Variants in FRMPD1 observed in about 807,000 individuals in gnomAD.
FRMPD1 encodes the protein FERM and PDZ domain containing 1, also known as FERM and PDZ domain-containing protein 1.
In FRMPD1, 76 loss-of-function variants were observed where a neutral mutation model predicts 117.8. That is an observed-to-expected ratio of 0.65 (90% CI 0.54 to 0.78). The LOEUF (loss-of-function observed/expected upper bound fraction) is 0.78. Ranked by LOEUF, FRMPD1 falls within the 30% of genes least tolerant of loss-of-function variation. FRMPD1 has a pLI of 0.00. For synonymous variants in FRMPD1, 783 were observed against 770.4 expected (o/e 1.02, Z -0.27); for missense variants, 1,786 against 1,964.5 (o/e 0.91, Z 1.72).
the FRMPD1 span, among the ~76,000 whole-genome samples, chr9:37,607,130 C>T: frequency 1.3e-5 from 2 of 151,994 alleles, no homozygotes; most frequent in African/African-American, 4.8e-5. Context: ...GCCTGGCCAA[C>T]GTGGAGAAAT....
rs777305877 is a variant in FRMPD1, at chr9:37,744,738, G to A, written c.2706G>A (p.Leu902=). The part of the protein sequence containing the change: ...GEPGLLETKA[L]GLLAPLRETK... Reference sequence around the variant, plus strand: ...CTGGCCTTCTGGAGACCAAGGCCTTGGGGCTGCTGGCTCCTCTGAGGGAGA... The same window carrying A: ...CTGGCCTTCTGGAGACCAAGGCCTTAGGGCTGCTGGCTCCTCTGAGGGAGA... The change falls in exon 16 of 16, where the codon TTG becomes TTA. Residue 902 remains leucine, a synonymous_variant. Coordinates refer to ENST00000377765, the MANE Select transcript of FRMPD1 (RefSeq NM_014907.3). The A allele has an allele frequency of 6.2e-7, 1 of 1,613,994 alleles. No individual in the cohort carries two copies. The highest frequency in any genetic ancestry group is 8.5e-7 in the Non-Finnish European group (1 of 1,179,972).
chr9:37,605,478 C>T, the FRMPD1 span, among the ~76,000 whole-genome samples: 1 of 152,060 alleles, frequency 6.6e-6, no homozygotes, highest in African/African-American at 2.4e-5. Flanking sequence ...ACTGAGAACC[C>T]ACTCTACACC....
chr9:37,716,215 C>T (rs1166539175), intron 5 of FRMPD1, among the ~76,000 whole-genome samples: 1 of 152,206 alleles, frequency 6.6e-6, no homozygotes, highest in Non-Finnish European at 1.5e-5. Flanking sequence ...AAACTGGTGA[C>T]CAACTAAATA....
chr9:37,724,092 T>C (rs1823514839), intron 6 of FRMPD1, 133 bp from the exon 7 acceptor site: 1 of 486,820 alleles, frequency 2.1e-6, no homozygotes, highest in Non-Finnish European at 3.7e-6. Context: ...GGAGAGTCGC[T>C]TGAACCTGGG....
chr9:37,742,369 G>A (rs548594353), intron 15 of FRMPD1, among the ~76,000 whole-genome samples: 344 of 152,334 alleles, frequency 2.3e-3, no homozygotes, highest in African/African-American at 7.6e-3. Flanking sequence ...GGAACATATG[G>A]GGTTCATACC....
At chr9:37,639,608 TA>T in the FRMPD1 span, among the ~76,000 whole-genome samples, 1 of 152,216 alleles carries the variant, frequency 6.6e-6, no homozygotes, top group Non-Finnish European at 1.5e-5. Flanking sequence ...CACCTCTCAG[TA>T]AAAGTAACTA....
chr9:37,714,812 A>G (rs1823050485), intron 5 of FRMPD1, among the ~76,000 whole-genome samples: 1 of 151,854 alleles, frequency 6.6e-6, no homozygotes, highest in South Asian at 2.1e-4. Flanking sequence ...ACGCCTGGCT[A>G]ATTTTTATAT....
At chr9:37,739,557 A>G (rs1315222533) in intron 14 of FRMPD1, among the ~76,000 whole-genome samples, 1 of 152,176 alleles carries the variant, frequency 6.6e-6, no homozygotes, top group Non-Finnish European at 1.5e-5. Context: ...AGGCTTTAGA[A>G]TGGTGCCAGC....
At position 37,732,324 on chromosome 9, in the gene FRMPD1, G is replaced by C. The variant is rs1159417238; in HGVS notation, c.879G>C (p.Gln293His). ...TCTAGAGCTGCAGCGATGTGCTCCA[G>C]GAGCGCTTTGCTGTAGAAATGAAAT... ...LYLQSCSDVL[Q>H]ERFAVEMKCS... The change falls in exon 10 of 16, where the codon CAG becomes CAC. Residue 293 changes from glutamine (Q) to histidine (H), a missense_variant. Coordinates refer to ENST00000377765, the MANE Select transcript of FRMPD1 (RefSeq NM_014907.3). 1 of 1,613,764 alleles carries C rather than the reference G, an allele frequency of 6.2e-7. No individual in the cohort carries two copies. The highest frequency in any genetic ancestry group is 2.2e-5 in the East Asian group (1 of 44,884).
chr9:37,675,362 G>A (rs7023356), intron 1 of FRMPD1, among the ~76,000 whole-genome samples: 94,981 of 151,214 alleles, frequency 0.63, 31,517 homozygotes, highest in African/African-American at 0.85. Context: ...TGGAGGTTGC[G>A]GAGAGGCGAG....
Position 37,740,836 on chromosome 9 carries a change from G to T in FRMPD1, c.2308G>T (p.Glu770Ter), listed in dbSNP as rs757736239. 16 of 1,614,162 alleles carry T rather than the reference G, an allele frequency of 9.9e-6. No individual in the cohort carries two copies. Among genetic ancestry groups the T allele is most frequent in the Non-Finnish European group, 1.4e-5 (16 of 1,180,006 alleles). ...LAFEDGSSDE[E>*]YYDAADKLTP... ...CTTTGAGGATGGCAGCTCAGATGAG[G>T]AATACTATGACGCGGCTGATAAGCT... The change falls in exon 15 of 16, where the codon GAA (glutamate) becomes TAA (stop). Residue 770 changes from glutamate to a stop codon, truncating the protein, a stop_gained. Transcript: ENST00000377765. LOFTEE classifies it low-confidence loss of function (END_TRUNC). This position sits in a 1 kb window ranked among gnomAD's most constrained non-coding sequence, Gnocchi z 4.2.
At chr9:37,726,576 T>C (rs1192538527) in intron 7 of FRMPD1, among the ~76,000 whole-genome samples, 3 of 152,124 alleles carry the variant, frequency 2.0e-5, no homozygotes, top group African/African-American at 7.2e-5. Flanking sequence ...TGCAAGCCTG[T>C]AGTCCCAGCT....
intron 1 of FRMPD1, among the ~76,000 whole-genome samples, chr9:37,675,686 A>G (rs1331220216): frequency 1.3e-5 from 2 of 152,160 alleles, no homozygotes; most frequent in Non-Finnish European, 2.9e-5. Flanking sequence ...CCTGCACATG[A>G]GAGAATAGAT....
rs1563966836 is a variant in FRMPD1, at chr9:37,745,393, G to T, written c.3361G>T (p.Gly1121Cys). 6.2e-7 allele frequency: 1 copy of T among 1,614,004 alleles called. No homozygotes were observed. The highest frequency in any genetic ancestry group is 8.5e-7 in the Non-Finnish European group (1 of 1,179,982). ...AGACAGAGAAGTTACAAACAAAAAT[G>T]GCACCAACGTATTTCAGGAGGAGTC... Reference protein sequence around the residue: ...ERDREVTNKNGTNVFQEESRK... With the variant: ...ERDREVTNKNCTNVFQEESRK... The change falls in exon 16 of 16, where the codon GGC becomes TGC. Residue 1121 changes from glycine (G) to cysteine (C), a missense_variant. Transcript: ENST00000377765.
intron 2 of FRMPD1, 65 bp downstream of exon 2, chr9:37,692,807 G>A: frequency 8.9e-7 from 1 of 1,122,868 alleles, no homozygotes; most frequent in African/African-American, 1.5e-5. Context: ...AGGAGCTTGT[G>A]CTGGTCCTGG....
the FRMPD1 span, among the ~76,000 whole-genome samples, chr9:37,619,175 A>G: frequency 2.0e-5 from 3 of 152,196 alleles, no homozygotes; most frequent in Admixed American, 6.5e-5. Context: ...AATTTTTTCC[A>G]AACAGGGAAA....
intron 1 of FRMPD1, among the ~76,000 whole-genome samples, chr9:37,662,477 G>T (rs1821030084): frequency 6.6e-6 from 1 of 152,208 alleles, no homozygotes; most frequent in Non-Finnish European, 1.5e-5. Flanking sequence ...ACAGCCTAGT[G>T]TGGGGACAAA....
At chr9:37,737,329 T>C (rs1297610782) in intron 14 of FRMPD1, 86 bp downstream of exon 14, 1 of 1,244,300 alleles carries the variant, frequency 8.0e-7, no homozygotes, top group Non-Finnish European at 1.2e-6. Flanking sequence ...GGTGGTGAAT[T>C]GAATTGAGCC....
At chr9:37,609,583 T>A in the FRMPD1 span, among the ~76,000 whole-genome samples, 1 of 152,202 alleles carries the variant, frequency 6.6e-6, no homozygotes, top group East Asian at 1.9e-4. Flanking sequence ...ACTTCCCTGC[T>A]TCAAACCACC....
Sources: gnomAD v4.1 joint callset for allele counts (sites outside exome capture counted in the v4.1 genomes callset) on GRCh38, gnomAD v4.1.1 for gene constraint, Gnocchi (gnomAD v3.1) non-coding constraint, MANE v1.5 for transcripts, NCBI Gene and HGNC (gene_info 2026-07-23, HGNC 2026-07-21) for gene names.